Variants in ESRP1 observed in about 807,000 individuals in gnomAD.
ESRP1 encodes RNA-binding motif protein 35A.
Under a neutral mutation model 81.7 loss-of-function variants are expected in ESRP1, and 33 were observed. That is an observed-to-expected ratio of 0.40 (90% CI 0.31 to 0.54). The LOEUF (loss-of-function observed/expected upper bound fraction) is 0.54. Among genes scored for constraint, ESRP1 ranks in the 20% least tolerant of loss-of-function variants. The pLI, the probability that ESRP1 is intolerant of heterozygous loss-of-function variation, is 0.41. For synonymous variants in ESRP1, 320 were observed against 303.3 expected (o/e 1.06, Z -0.57); for missense variants, 672 against 833.1 (o/e 0.81, Z 2.38).
chr8:94,641,894 G>T, intron 1 of ESRP1, 62 bp from the exon 2 acceptor site: 1 of 1,597,522 alleles, frequency 6.3e-7, no homozygotes. Flanking sequence ...AGCGAGGGAG[G>T]AGGGTGCAGA....
At chr8:94,698,948 C>T (rs1038134531) in intron 15 of ESRP1, among the ~76,000 whole-genome samples, 15 of 152,042 alleles carry the variant, frequency 9.9e-5, no homozygotes, top group Admixed American at 3.3e-4. Flanking sequence ...GTGTCACGTA[C>T]GAATGCTTTG....
At chr8:94,686,729 A>T (rs1809155735) in intron 13 of ESRP1, among the ~76,000 whole-genome samples, 1 of 152,244 alleles carries the variant, frequency 6.6e-6, no homozygotes, top group Non-Finnish European at 1.5e-5. Flanking sequence ...TATGTTAATA[A>T]ATACTGGCAC....
intron 13 of ESRP1, among the ~76,000 whole-genome samples, chr8:94,691,071 G>A (rs1306494333): frequency 1.3e-5 from 2 of 152,280 alleles, no homozygotes; most frequent in African/African-American, 2.4e-5. Context: ...GAATAGTGGC[G>A]AATGTCCTAC....
rs1016509701 is a variant in ESRP1 at position 94,676,998 on chromosome 8, A to T, written c.1652-1205A>T. On this transcript the variant is annotated intron_variant, in intron 12 of 15. Transcript: ENST00000433389. ...CGAAACCCTGTTTCTACTAAAAAAA[A>T]ATTCAAGAAATCAGAATATGAGCAC... 6.6e-5 allele frequency among the ~76,000 whole-genome samples: 10 copies of T among 152,020 alleles called. No homozygotes were observed. In the East Asian group the frequency reaches 2.0e-3, roughly 30 times the overall value.
intron 3 of ESRP1, among the ~76,000 whole-genome samples, chr8:94,644,949 C>T (rs141820380): frequency 8.5e-5 from 13 of 152,288 alleles, no homozygotes; most frequent in Admixed American, 2.0e-4. Context: ...AGCATTCATA[C>T]GGCGTAAGCC....
chr8:94,674,521 G>C lies in ESRP1; in HGVS notation c.1651+15G>C, dbSNP rs760074990. 4 of 1,609,714 alleles carry C rather than the reference G, an allele frequency of 2.5e-6. No individual in the cohort carries two copies. The Admixed American group carries it at 6.8e-5, about 27-fold the overall frequency. On this transcript the variant is annotated intron_variant, in intron 12 of 15. Transcript: ENST00000433389. Reference sequence around the variant, plus strand: ...TAAGTTACCATGTAAGTTTTTCTTGGGTCTTGGCGCTATTCTACGCTATAT... The same window carrying C: ...TAAGTTACCATGTAAGTTTTTCTTGCGTCTTGGCGCTATTCTACGCTATAT...
chr8:94,668,263 A>G lies in ESRP1; in HGVS notation c.1233+13A>G. On this transcript the variant is annotated intron_variant, in intron 10 of 15. Coordinates refer to ENST00000433389, the MANE Select transcript of ESRP1 (RefSeq NM_017697.4). ...TGAAGTTCAGCAGGTTGGTTTTAAAAACAAGTATGTTGTACCTTTGCATTA... is the reference window on the plus strand; with the variant it reads ...TGAAGTTCAGCAGGTTGGTTTTAAAGACAAGTATGTTGTACCTTTGCATTA... The G allele has an allele frequency of 6.4e-7, 1 of 1,564,178 alleles. No individual in the cohort carries two copies. The highest frequency in any genetic ancestry group is 8.7e-7 in the Non-Finnish European group (1 of 1,152,944).
At chr8:94,697,198 T>G (rs1232444846) in intron 15 of ESRP1, among the ~76,000 whole-genome samples, 2 of 152,198 alleles carry the variant, frequency 1.3e-5, no homozygotes, top group African/African-American at 2.4e-5. Context: ...ACTTTTCCCT[T>G]TGGACATTAA....
At position 94,641,323 on chromosome 8, in the gene ESRP1, C is replaced by G. The variant is rs764844837; in HGVS notation, c.5C>G (p.Thr2Arg). ...TCCCCCTCCCCACCTATCGTCATGA[C>G]GGCCTCTCCGGATTACTTGGTGGTG... The part of the protein sequence containing the change: M[T>R]ASPDYLVVLF... The change falls in exon 1 of 16, where the codon ACG (threonine) becomes AGG (arginine). Residue 2 changes from threonine (T) to arginine (R), a missense_variant. Transcript: ENST00000433389. 1 of 1,607,884 alleles carries G rather than the reference C, an allele frequency of 6.2e-7. No homozygotes were observed. The highest frequency in any genetic ancestry group is 1.1e-5 in the South Asian group (1 of 90,870).
At chr8:94,677,981 C>T (rs992820869) in intron 12 of ESRP1, among the ~76,000 whole-genome samples, 1 of 152,038 alleles carries the variant, frequency 6.6e-6, no homozygotes, top group Non-Finnish European at 1.5e-5. Flanking sequence ...TTGGTGTTTC[C>T]GAATTTCAGG....
intron 4 of ESRP1, among the ~76,000 whole-genome samples, chr8:94,651,987 CTTTTTTT>C (rs35903773): frequency 1.1e-4 from 7 of 65,212 alleles, no homozygotes; most frequent in Admixed American, 6.7e-4. Flanking sequence ...TCTAAAACGC[CTTTTTTT>C]TTTTTTTTTT....
chr8:94,695,924 A>G lies in ESRP1; in HGVS notation c.1972-928A>G, dbSNP rs551799437. On this transcript the variant is annotated intron_variant, in intron 14 of 15. Coordinates refer to ENST00000433389, the MANE Select transcript of ESRP1 (RefSeq NM_017697.4). Reference sequence around the variant, plus strand: ...CTAAAAATACAAAAAGTAGCCACGCATGGTGGTGCATGCCTGTAGTCCCAG... The same window carrying G: ...CTAAAAATACAAAAAGTAGCCACGCGTGGTGGTGCATGCCTGTAGTCCCAG... Among the ~76,000 whole-genome samples, 15 of 152,232 alleles carry G rather than the reference A, an allele frequency of 9.9e-5. No homozygotes were observed. In the South Asian group the frequency reaches 2.7e-3, roughly 27 times the overall value.
At chr8:94,690,276 A>ATTTTTTTTTTTTTTTTTT (rs373440584) in intron 13 of ESRP1, among the ~76,000 whole-genome samples, 2 of 61,338 alleles carry the variant, frequency 3.3e-5, no homozygotes, top group Admixed American at 2.2e-4. Flanking sequence ...TGCCTGGCTA[A>ATTTTTTTTTTTTTTTTTT]TTTTTTTTTT....
intron 14 of ESRP1, among the ~76,000 whole-genome samples, chr8:94,696,046 G>A (rs1809593154): frequency 6.6e-6 from 1 of 152,070 alleles, no homozygotes; most frequent in Admixed American, 6.6e-5. Context: ...CTGGGTGACA[G>A]AACAAGACTC....
At chr8:94,666,097 T>A (rs1819002966) in intron 9 of ESRP1, among the ~76,000 whole-genome samples, 1 of 152,244 alleles carries the variant, frequency 6.6e-6, no homozygotes, top group South Asian at 2.1e-4. Flanking sequence ...ATATCTACTT[T>A]GTAAGTTTCT....
At chr8:94,643,119 C>T (rs1817694557) in intron 2 of ESRP1, among the ~76,000 whole-genome samples, 184 bp from the exon 3 acceptor site, 1 of 152,198 alleles carries the variant, frequency 6.6e-6, no homozygotes, top group Non-Finnish European at 1.5e-5. Flanking sequence ...GATTGGAAAG[C>T]TTCCCTACCT....
At chr8:94,677,784 T>C (rs1808704524) in intron 12 of ESRP1, among the ~76,000 whole-genome samples, 1 of 152,172 alleles carries the variant, frequency 6.6e-6, no homozygotes, top group Admixed American at 6.6e-5. Flanking sequence ...GACGGGTAGG[T>C]AGCAAGAGGG....
chr8:94,661,573 C>T (rs555927649), intron 4 of ESRP1, among the ~76,000 whole-genome samples: 3 of 152,224 alleles, frequency 2.0e-5, no homozygotes, highest in African/African-American at 7.2e-5. Flanking sequence ...GAGAGATTCG[C>T]AAAACTTCAT....
chr8:94,656,521 C>T (rs1818434714), intron 4 of ESRP1, among the ~76,000 whole-genome samples: 1 of 152,186 alleles, frequency 6.6e-6, no homozygotes, highest in Non-Finnish European at 1.5e-5. Flanking sequence ...ACGCCCGGCC[C>T]ATAAAGGTAA....
Sources: allele counts gnomAD v4.1 joint callset (sites outside exome capture counted in the v4.1 genomes callset), GRCh38; gene constraint gnomAD v4.1.1; transcripts MANE v1.5; gene names NCBI Gene and HGNC (gene_info 2026-07-23, HGNC 2026-07-21).